Variants in PRDM15 observed in about 807,000 individuals in gnomAD.
The protein encoded by PRDM15 is PR/SET domain 15.
PRDM15 carries 64 observed loss-of-function variants against 128.6 expected under a neutral mutation model. The ratio of observed to expected loss-of-function variants is 0.50; its 90% CI spans 0.41 to 0.61. The LOEUF (loss-of-function observed/expected upper bound fraction) is 0.61, where lower values mean the gene tolerates loss of function less well. Among genes scored for constraint, PRDM15 ranks in the 20% least tolerant of loss-of-function variants. The probability of loss-of-function intolerance (pLI) is 0.00; values close to 1 mark genes in which losing one functional copy is unlikely to be tolerated. For missense variants in PRDM15, 1,242 were observed against 1,569.1 expected (o/e 0.79, Z 3.52); for synonymous variants, 615 against 621.8 (o/e 0.99, Z 0.16).
At chr21:41,802,631 G>C in intron 23 of PRDM15, 81 bp downstream of exon 23, 2 of 1,135,814 alleles carry the variant, frequency 1.8e-6, no homozygotes, top group Non-Finnish European at 2.7e-6. Flanking sequence ...AGTAAAAAGA[G>C]ATGGAGTCAC....
chr21:41,865,869 C>T (rs995863803), intron 1 of PRDM15, among the ~76,000 whole-genome samples: 2 of 152,182 alleles, frequency 1.3e-5, no homozygotes, highest in South Asian at 2.1e-4. Context: ...TTCAGCCTCT[C>T]AAGTAGCTGG....
intron 5 of PRDM15, among the ~76,000 whole-genome samples, chr21:41,852,691 C>T (rs542466853): frequency 3.9e-5 from 6 of 152,226 alleles, no homozygotes; most frequent in Non-Finnish European, 8.8e-5. Context: ...ACGCCGCCAC[C>T]GCTGCAGGCC....
chr21:41,815,140 T>C (rs1221677604), intron 19 of PRDM15, among the ~76,000 whole-genome samples: 1 of 151,694 alleles, frequency 6.6e-6, no homozygotes, highest in Non-Finnish European at 1.5e-5. Flanking sequence ...TGGCGCAGGC[T>C]GCTCTAGTGT....
intron 6 of PRDM15, among the ~76,000 whole-genome samples, chr21:41,846,226 G>A (rs1452868749): frequency 6.6e-6 from 1 of 152,170 alleles, no homozygotes; most frequent in Non-Finnish European, 1.5e-5. Flanking sequence ...CTGTTTCTAC[G>A]TGATTCCCCC....
At chr21:41,877,028 T>C (rs569385097) in intron 1 of PRDM15, among the ~76,000 whole-genome samples, 267 of 152,130 alleles carry the variant, frequency 1.8e-3, no homozygotes, top group Non-Finnish European at 3.1e-3. Context: ...CCCACCTCCA[T>C]GGCCACACTG....
rs2061350190 is a variant in PRDM15 at position 41,798,516 on chromosome 21, T to TA, written c.*2723dup. ...GTTTTCCTGAGAACACGTCACACGC[T>TA]AGAGCATTCCAGAGGCCCGAGCCCC... On this transcript the variant is annotated 3_prime_UTR_variant, in exon 24 of 24. Coordinates refer to ENST00000398548, the MANE Select transcript of PRDM15 (RefSeq NM_001040424.3). The TA allele has an allele frequency of 6.6e-6, 1 of 152,370 alleles. No homozygotes were observed. The highest frequency in any genetic ancestry group is 1.5e-5 in the Non-Finnish European group (1 of 68,194). 9.4% of individuals were successfully genotyped at this position (152,370 alleles called of 1,614,324 possible).
At position 41,822,040 on chromosome 21, in the gene PRDM15, G is replaced by A; in HGVS notation, c.1762-3C>T. ...TGGTCATCCATCAACGCGATGTCCT[G>A]GAAAACAGCCACCACTTCCGGTTTC... On this transcript the variant is annotated splice_polypyrimidine_tract_variant and splice_region_variant and intron_variant, in intron 14 of 23. Coordinates refer to ENST00000398548, the MANE Select transcript of PRDM15 (RefSeq NM_001040424.3). 1 of 1,613,884 alleles carries A rather than the reference G, an allele frequency of 6.2e-7. No homozygotes were observed. The highest frequency in any genetic ancestry group is 8.5e-7 in the Non-Finnish European group (1 of 1,180,042).
At position 41,821,830 on chromosome 21, in the gene PRDM15, T is replaced by G; in HGVS notation, c.1896+73A>C. 6.4e-7 allele frequency: 1 copy of G among 1,569,080 alleles called. No individual in the cohort carries two copies. Among genetic ancestry groups the G allele is most frequent in the South Asian group, 1.1e-5 (1 of 90,004 alleles). ...GAGATGCATGAAGGTGCCTGCTGTGTGGGGCCCACAGCCTTGAAACGACCA... is the reference window on the plus strand; with the variant it reads ...GAGATGCATGAAGGTGCCTGCTGTGGGGGGCCCACAGCCTTGAAACGACCA... On this transcript the variant is annotated intron_variant, in intron 15 of 23. Transcript: ENST00000398548. The surrounding 1 kb of genome is among the most constrained non-coding windows in gnomAD (Gnocchi z 5.4).
chr21:41,848,829 C>T (rs1054166116), intron 5 of PRDM15, among the ~76,000 whole-genome samples: 1 of 152,182 alleles, frequency 6.6e-6, no homozygotes, highest in Non-Finnish European at 1.5e-5. Flanking sequence ...AAGAGAAGCA[C>T]TCAGGGTTTT....
intron 14 of PRDM15, 92 bp from the exon 15 acceptor site, chr21:41,822,129 G>A: frequency 6.4e-7 from 1 of 1,561,592 alleles, no homozygotes; most frequent in Non-Finnish European, 8.7e-7. Context: ...CATTTCCCCA[G>A]ATGCAGAAGA....
rs779300680 is a variant in PRDM15 at position 41,860,353 on chromosome 21, T to A, written c.11A>T (p.Asp4Val). The A allele has an allele frequency of 1.0e-4, 166 of 1,613,860 alleles. No individual in the cohort carries two copies. The highest frequency in any genetic ancestry group is 1.7e-4 in the Admixed American group (10 of 60,000). Reference sequence around the variant, plus strand: ...GATGAACATGATCTCTTCGCTCCCATCTTCAGCCATCTCTGACACCTGTCA... The same window carrying A: ...GATGAACATGATCTCTTCGCTCCCAACTTCAGCCATCTCTGACACCTGTCA... The part of the protein sequence containing the change: MAE[D>V]GSEEIMFIWC... Residue 4 changes from aspartate to valine, a missense_variant, in exon 2 of 24, where the codon GAT (aspartate) becomes GTT (valine). By Grantham distance (152) the Asp-to-Val change is radical (BLOSUM62 -3). Transcript: ENST00000398548.
chr21:41,857,539 T>C (rs2063674354), intron 3 of PRDM15, among the ~76,000 whole-genome samples: 1 of 152,180 alleles, frequency 6.6e-6, no homozygotes, highest in Non-Finnish European at 1.5e-5. Context: ...GTGTGAAGAC[T>C]GTATAAGCCC....
rs180777021 is a variant in PRDM15, at chr21:41,853,788, C to T, written c.538+778G>A. 1.0e-3 allele frequency among the ~76,000 whole-genome samples: 158 copies of T among 152,264 alleles called. 1 individual carries two copies. Among genetic ancestry groups the T allele is most frequent in the Non-Finnish European group, 1.6e-3 (107 of 68,014 alleles). ...ATGCACACACACACAGGTATGCACACGCGCGCACACACACACTGCCCCCAA... is the reference window on the plus strand; with the variant it reads ...ATGCACACACACACAGGTATGCACATGCGCGCACACACACACTGCCCCCAA... On this transcript the variant is annotated intron_variant, in intron 5 of 23. Coordinates refer to ENST00000398548, the MANE Select transcript of PRDM15 (RefSeq NM_001040424.3).
chr21:41,867,356 GAA>G (rs1438945908), intron 1 of PRDM15: 1 of 1,613,582 alleles, frequency 6.2e-7, no homozygotes, highest in African/African-American at 1.3e-5. Context: ...GTTCCCCCAG[GAA>G]AAGTTTTGTG....
chr21:41,868,221 CA>C (rs2064083167), intron 1 of PRDM15, among the ~76,000 whole-genome samples: 2 of 152,090 alleles, frequency 1.3e-5, no homozygotes, highest in African/African-American at 4.8e-5. Flanking sequence ...GTTTGTTTAG[CA>C]ATTCACTCAC....
intron 5 of PRDM15, among the ~76,000 whole-genome samples, chr21:41,852,395 T>C (rs1415093870): frequency 6.6e-6 from 1 of 152,222 alleles, no homozygotes. Flanking sequence ...TCACAGTTAC[T>C]TGGGCTCTGC....
chr21:41,839,979 G>A (rs1375040155), intron 6 of PRDM15, 126 bp from the exon 7 acceptor site: 2 of 712,392 alleles, frequency 2.8e-6, no homozygotes, highest in Admixed American at 5.4e-5. Context: ...ATAGGCAAGT[G>A]AACTTTATTT....
intron 1 of PRDM15, among the ~76,000 whole-genome samples, chr21:41,875,314 GC>G (rs2064373210): frequency 6.6e-6 from 1 of 152,270 alleles, no homozygotes; most frequent in Non-Finnish European, 1.5e-5. Context: ...CATCCTGGCG[GC>G]CCCTCGCCCT....
At chr21:41,802,688 C>T in intron 23 of PRDM15, 24 bp downstream of exon 23, 2 of 1,605,544 alleles carry the variant, frequency 1.2e-6, no homozygotes, top group Non-Finnish European at 8.5e-7. Flanking sequence ...GGCACCTAAT[C>T]AGAACATAAA....
Sources: allele counts gnomAD v4.1 joint callset (sites outside exome capture counted in the v4.1 genomes callset), GRCh38; gene constraint gnomAD v4.1.1; non-coding constraint Gnocchi (gnomAD v3.1); transcripts MANE v1.5; gene names NCBI Gene and HGNC (gene_info 2026-07-23, HGNC 2026-07-21).